The following DPYD variants were observed in gnomAD, a reference collection of about 807,000 sequenced individuals.
DPYD encodes the protein dihydropyrimidine dehydrogenase [NADP(+)].
Under a neutral mutation model 116.2 loss-of-function variants are expected in DPYD, and 109 were observed. That is an observed-to-expected ratio of 0.94 (90% confidence interval 0.80 to 1.10). The LOEUF is 1.10. DPYD is among the 50% of genes least tolerant of loss of function. The probability of loss-of-function intolerance (pLI) is 0.00; values close to 1 mark genes in which losing one functional copy is unlikely to be tolerated. For missense variants in DPYD, 1,302 were observed against 1,254.5 expected (o/e 1.04, Z -0.57); for synonymous variants, 440 against 432.0 (o/e 1.02, Z -0.23).
intron 2 of DPYD, among the ~76,000 whole-genome samples, chr1:97,867,016 T>C (rs562541814): frequency 6.6e-6 from 1 of 151,894 alleles, no homozygotes; most frequent in Non-Finnish European, 1.5e-5. Context: ...AAACATAATC[T>C]ATTTTAGGTT....
At chr1:97,380,708 C>T (rs921964745) in intron 15 of DPYD, among the ~76,000 whole-genome samples, 2 of 152,170 alleles carry the variant, frequency 1.3e-5, no homozygotes, top group South Asian at 2.1e-4. Flanking sequence ...TCTTACATCC[C>T]TATATCACCA....
chr1:97,851,482 G>A (rs1670565194), intron 2 of DPYD, among the ~76,000 whole-genome samples: 2 of 151,784 alleles, frequency 1.3e-5, no homozygotes, highest in African/African-American at 4.8e-5. Flanking sequence ...ACACATGAAT[G>A]GCATACAGCA....
chr1:97,499,776 G>C (rs1403952840), intron 13 of DPYD, among the ~76,000 whole-genome samples: 1 of 151,824 alleles, frequency 6.6e-6, no homozygotes, highest in East Asian at 1.9e-4. Context: ...TAGTAATCTA[G>C]TTTGGAAATA....
intron 8 of DPYD, among the ~76,000 whole-genome samples, chr1:97,628,452 G>C (rs891557680): frequency 4.6e-5 from 7 of 152,034 alleles, no homozygotes; most frequent in African/African-American, 1.7e-4. Context: ...AAATCAGCTA[G>C]TGATAAGAGA....
intron 18 of DPYD, among the ~76,000 whole-genome samples, chr1:97,268,289 C>T (rs1169080470): frequency 6.6e-6 from 1 of 152,088 alleles, no homozygotes; most frequent in Non-Finnish European, 1.5e-5. Flanking sequence ...TCCTAGGCTA[C>T]AGTTGCATGC....
At chr1:97,170,865 G>A (rs1656674849) in intron 20 of DPYD, among the ~76,000 whole-genome samples, 1 of 151,806 alleles carries the variant, frequency 6.6e-6, no homozygotes, top group African/African-American at 2.4e-5. Flanking sequence ...TAGTAGAGAT[G>A]GGGTTTCACC....
chr1:97,496,652 A>G (rs899412648), intron 13 of DPYD, among the ~76,000 whole-genome samples: 1 of 151,802 alleles, frequency 6.6e-6, no homozygotes, highest in Non-Finnish European at 1.5e-5. Context: ...TGTATTCTCT[A>G]TTCTTTGGAC....
chr1:97,655,989 C>T (rs566821505), intron 8 of DPYD, among the ~76,000 whole-genome samples: 7 of 152,200 alleles, frequency 4.6e-5, no homozygotes, highest in East Asian at 1.9e-4. Context: ...TTATTTATTA[C>T]GTAGAAATAA....
At chr1:97,802,935 T>A (rs551993450) in intron 3 of DPYD, among the ~76,000 whole-genome samples, 1 of 152,010 alleles carries the variant, frequency 6.6e-6, no homozygotes, top group East Asian at 1.9e-4. Context: ...AAGAAACAGA[T>A]ACCAGCAAAA....
At chr1:97,288,062 A>G (rs374482595) in intron 18 of DPYD, among the ~76,000 whole-genome samples, 1 of 151,214 alleles carries the variant, frequency 6.6e-6, no homozygotes, top group African/African-American at 2.4e-5. Flanking sequence ...CAGACTTTAA[A>G]CCAACAAAGA....
intron 19 of DPYD, among the ~76,000 whole-genome samples, chr1:97,207,208 A>G (rs1199909304): frequency 6.6e-6 from 1 of 152,162 alleles, no homozygotes; most frequent in Non-Finnish European, 1.5e-5. Flanking sequence ...TGTCCAGAAT[A>G]CATTTTTCTC....
At chr1:97,228,207 A>C (rs1442580494) in intron 19 of DPYD, among the ~76,000 whole-genome samples, 1 of 151,912 alleles carries the variant, frequency 6.6e-6, no homozygotes, top group Non-Finnish European at 1.5e-5. Context: ...AATATATAGT[A>C]GGGTCTCAAT....
At chr1:97,877,495 T>A (rs576644672) in intron 2 of DPYD, among the ~76,000 whole-genome samples, 6 of 152,142 alleles carry the variant, frequency 3.9e-5, no homozygotes, top group South Asian at 4.1e-4. Context: ...ATGCCTGAGT[T>A]TCTAGTTGGA....
At chr1:97,592,527 C>T (rs374345740) in intron 10 of DPYD, among the ~76,000 whole-genome samples, 31 of 152,182 alleles carry the variant, frequency 2.0e-4, no homozygotes, top group Middle Eastern at 6.8e-3. Context: ...CCACCACGCC[C>T]GGCTAATTTT....
In DPYD at chr1:97,305,163, T is replaced by A. The variant is rs956827861; in HGVS notation, c.2299+96A>T. 5.1e-6 allele frequency: 8 copies of A among 1,573,224 alleles called. No individual in the cohort carries two copies. The African/African-American group carries it at 1.1e-4, about 21-fold the overall frequency. On this transcript the variant is annotated intron_variant, in intron 18 of 22. Coordinates refer to ENST00000370192, the MANE Select transcript of DPYD (RefSeq NM_000110.4). The stretch of plus-strand genomic sequence containing the variant: ...TTGATCAGCTATGAGTTATAAGAAT[T>A]TGGGATCATAAAGGGCACAAAACTC...
intron 20 of DPYD, among the ~76,000 whole-genome samples, chr1:97,105,382 C>T (rs1328754137): frequency 6.6e-6 from 1 of 152,024 alleles, no homozygotes; most frequent in Admixed American, 6.6e-5. Context: ...GGGAGAGCCA[C>T]TATTTAATTT....
rs189701079 is a variant in DPYD at position 97,864,291 on chromosome 1, T to C, written c.150+18973A>G. Among the ~76,000 whole-genome samples, 720 of 151,948 alleles carry C rather than the reference T, an allele frequency of 4.7e-3. 2 individuals are homozygous for C. Among genetic ancestry groups the C allele is most frequent in the Non-Finnish European group, 6.4e-3 (434 of 67,900 alleles). ...GCAGAAGCGGGCAGAGTGGGCTATA[T>C]TAGAGGGAGGCTCAGGGGGCTGGGG... On this transcript the variant is annotated intron_variant, in intron 2 of 22. Coordinates refer to ENST00000370192, the MANE Select transcript of DPYD (RefSeq NM_000110.4).
intron 14 of DPYD, among the ~76,000 whole-genome samples, chr1:97,404,522 T>C (rs12048428): frequency 0.1 from 15,842 of 152,118 alleles, 1,077 homozygotes; most frequent in South Asian, 0.24. Context: ...TAATTGATCA[T>C]TTTATCATTA....
intron 14 of DPYD, among the ~76,000 whole-genome samples, chr1:97,393,863 C>T (rs1398558373): frequency 6.6e-6 from 1 of 152,162 alleles, no homozygotes; most frequent in Non-Finnish European, 1.5e-5. Flanking sequence ...TGAGGAACTG[C>T]CACACTGTCT....
Sources: allele counts gnomAD v4.1 joint callset (sites outside exome capture counted in the v4.1 genomes callset), GRCh38; gene constraint gnomAD v4.1.1; transcripts MANE v1.5; gene names NCBI Gene and HGNC (gene_info 2026-07-23, HGNC 2026-07-21).